The following NGF variants were observed in gnomAD, a reference collection of about 807,000 sequenced individuals.
The protein encoded by NGF is beta-nerve growth factor.
Under a neutral mutation model 12.8 loss-of-function variants are expected in NGF, and 4 were observed. That is an observed-to-expected ratio of 0.31 (90% confidence interval 0.15 to 0.72). The LOEUF (loss-of-function observed/expected upper bound fraction) is 0.72, where lower values mean the gene tolerates loss of function less well. NGF is among the 30% of genes least tolerant of loss of function. The probability of loss-of-function intolerance (pLI) is 0.69; values close to 1 mark genes in which losing one functional copy is unlikely to be tolerated. For missense variants in NGF, 283 were observed against 330.8 expected, an observed-to-expected ratio of 0.86 and a Z score of 1.12; for synonymous variants, 140 against 130.0, an observed-to-expected ratio of 1.08 and a Z score of -0.52.
chr1:115,294,209 A>T (rs1653792814), intron 1 of NGF, among the ~76,000 whole-genome samples: 1 of 152,256 alleles, frequency 6.6e-6, no homozygotes, highest in Non-Finnish European at 1.5e-5. Context: ...ATAAAAATGC[A>T]GATGAGTAAT....
chr1:115,337,261 G>GTTTTTTTTTTTTTTT lies in NGF; in HGVS notation c.-137+942_-137+943insAAAAAAAAAAAAAAA, dbSNP rs368973980. 3.4e-4 allele frequency among the ~76,000 whole-genome samples: 4 copies of GTTTTTTTTTTTTTTT among 11,756 alleles called. 1 individual carries two copies. Among genetic ancestry groups the GTTTTTTTTTTTTTTT allele is most frequent in the African/African-American group, 4.5e-4 (2 of 4,412 alleles). The allele number at this position is 11,756 out of a possible 152,430, so 7.7% of individuals were successfully genotyped here. On this transcript the variant is annotated intron_variant, in intron 1 of 2. Coordinates refer to ENST00000369512, the MANE Select transcript of NGF (RefSeq NM_002506.3). ...AGAATCTCGAAATTTTTTTTGTTTT[G>GTTTTTTTTTTTTTTT]TTTTTGTTTTTTTTTTTTTTTTTTT... is the stretch of plus-strand genomic sequence containing the variant.
intron 1 of NGF, among the ~76,000 whole-genome samples, chr1:115,296,829 A>C (rs1195290461): frequency 6.6e-6 from 1 of 152,228 alleles, no homozygotes; most frequent in African/African-American, 2.4e-5. Context: ...AAATATTACA[A>C]ATTTCTAATG....
At chr1:115,317,774 C>T (rs879747940) in intron 1 of NGF, among the ~76,000 whole-genome samples, 9 of 152,332 alleles carry the variant, frequency 5.9e-5, no homozygotes, top group East Asian at 1.9e-4. Flanking sequence ...GCATCCCTGC[C>T]GCTGGCAGGA....
intron 1 of NGF, among the ~76,000 whole-genome samples, chr1:115,329,998 C>A (rs1654873233): frequency 6.6e-6 from 1 of 152,084 alleles, no homozygotes; most frequent in Non-Finnish European, 1.5e-5. Context: ...TCAAGTGATC[C>A]TCCCGCCTCA....
rs67307707 is a variant in NGF at position 115,337,267 on chromosome 1, G to GTTTTTTTTTTTTTTTT, written c.-137+921_-137+936dup. 4.6e-4 allele frequency among the ~76,000 whole-genome samples: 37 copies of GTTTTTTTTTTTTTTTT among 81,026 alleles called. 6 individuals are homozygous for GTTTTTTTTTTTTTTTT. Among genetic ancestry groups the GTTTTTTTTTTTTTTTT allele is most frequent in the Non-Finnish European group, 5.9e-4 (25 of 42,672 alleles). 53.2% of individuals were successfully genotyped at this position (81,026 alleles called of 152,430 possible). On this transcript the variant is annotated intron_variant, in intron 1 of 2. Coordinates refer to ENST00000369512, the MANE Select transcript of NGF (RefSeq NM_002506.3). ...TCGAAATTTTTTTTGTTTTGTTTTT[G>GTTTTTTTTTTTTTTTT]TTTTTTTTTTTTTTTTTTTTTTTTT...
intron 1 of NGF, among the ~76,000 whole-genome samples, chr1:115,326,251 G>C (rs1654773925): frequency 6.6e-6 from 1 of 152,154 alleles, no homozygotes; most frequent in Non-Finnish European, 1.5e-5. Context: ...TATTCCTGAG[G>C]TGTCCTGGCA....
intron 1 of NGF, among the ~76,000 whole-genome samples, chr1:115,334,859 A>C (rs1179477526): frequency 6.6e-6 from 1 of 152,210 alleles, no homozygotes; most frequent in Non-Finnish European, 1.5e-5. Flanking sequence ...ATATAAATCC[A>C]ATATACTTGC....
At chr1:115,316,231 G>A (rs897926432) in intron 1 of NGF, among the ~76,000 whole-genome samples, 6 of 152,106 alleles carry the variant, frequency 3.9e-5, no homozygotes, top group African/African-American at 1.4e-4. Flanking sequence ...TTATCTCTAA[G>A]TTCTCTTCTA....
chr1:115,337,267 G>GTTTGTTTGTTTGTTTGTTTTTTTTTTT, intron 1 of NGF, among the ~76,000 whole-genome samples: 1 of 81,030 alleles, frequency 1.2e-5, no homozygotes, highest in African/African-American at 5.3e-5. Context: ...TTTTGTTTTT[G>GTTTGTTTGTTTGTTTGTTTTTTTTTTT]TTTTTTTTTT....
chr1:115,308,940 A>ATTT (rs200311693), intron 1 of NGF, among the ~76,000 whole-genome samples: 6,468 of 152,210 alleles, frequency 0.042, 179 homozygotes, highest in Middle Eastern at 0.075. Flanking sequence ...GTGTTTTTAA[A>ATTT]AGGTAAATTT....
Position 115,286,541 on chromosome 1 carries a change from G to T in NGF, c.255C>A (p.Pro85=). The stretch of plus-strand genomic sequence containing the variant: ...GAGGCTGGGTGCTAAACAGCACACG[G>T]GGTGAACGGAGTCGCCGCTTTTTAA... The part of the protein sequence containing the change: ...RLFKKRRLRS[P]RVLFSTQPPR... The change falls in exon 3 of 3, where the codon CCC becomes CCA. Residue 85 remains proline (P), a synonymous_variant. Transcript: ENST00000369512. The T allele has an allele frequency of 1.9e-6, 3 of 1,614,216 alleles. No individual in the cohort carries two copies. Among genetic ancestry groups the T allele is most frequent in the Non-Finnish European group, 2.5e-6 (3 of 1,180,048 alleles).
At chr1:115,308,781 G>A (rs1346892261) in intron 1 of NGF, among the ~76,000 whole-genome samples, 6 of 152,202 alleles carry the variant, frequency 3.9e-5, no homozygotes, top group Admixed American at 3.9e-4. Flanking sequence ...AAGAAAGAGT[G>A]AAAATGAAGA....
intron 1 of NGF, among the ~76,000 whole-genome samples, chr1:115,304,613 C>T (rs954019039): frequency 5.3e-5 from 8 of 152,122 alleles, no homozygotes; most frequent in African/African-American, 1.9e-4. Context: ...TTCTTCACAT[C>T]TGAAGACAAG....
chr1:115,330,154 G>A (rs780620342), intron 1 of NGF, among the ~76,000 whole-genome samples: 4 of 152,236 alleles, frequency 2.6e-5, no homozygotes, highest in Middle Eastern at 3.4e-3. Flanking sequence ...GCAGCATCTC[G>A]CTTCTGAGGC....
At chr1:115,298,046 A>C (rs892170924) in intron 1 of NGF, among the ~76,000 whole-genome samples, 1 of 152,238 alleles carries the variant, frequency 6.6e-6, no homozygotes, top group African/African-American at 2.4e-5. Context: ...CAGAAAACAT[A>C]AAGTTCAGGT....
At chr1:115,310,454 CA>C (rs1229676422) in intron 1 of NGF, among the ~76,000 whole-genome samples, 3 of 152,142 alleles carry the variant, frequency 2.0e-5, no homozygotes, top group Non-Finnish European at 4.4e-5. Context: ...TGGGCCTTTT[CA>C]GGGGCAATCA....
chr1:115,289,593 T>A (rs760649889), intron 2 of NGF, among the ~76,000 whole-genome samples: 4 of 152,224 alleles, frequency 2.6e-5, no homozygotes, highest in Non-Finnish European at 5.9e-5. Context: ...GCATTTTAAA[T>A]GCAAGACATC....
At chr1:115,330,751 C>T (rs1654898761) in intron 1 of NGF, among the ~76,000 whole-genome samples, 1 of 152,098 alleles carries the variant, frequency 6.6e-6, no homozygotes, top group Non-Finnish European at 1.5e-5. Flanking sequence ...AATGTGCACG[C>T]TAATTGAGAA....
intron 1 of NGF, among the ~76,000 whole-genome samples, chr1:115,305,320 T>C (rs1654172006): frequency 6.6e-6 from 1 of 152,194 alleles, no homozygotes; most frequent in Non-Finnish European, 1.5e-5. Flanking sequence ...AGTAGTGCTG[T>C]GGGGAAGTAG....
Sources: gnomAD v4.1 joint callset for allele counts (sites outside exome capture counted in the v4.1 genomes callset) on GRCh38, gnomAD v4.1.1 for gene constraint, MANE v1.5 for transcripts, NCBI Gene and HGNC (gene_info 2026-07-23, HGNC 2026-07-21) for gene names.